The following SRRM2 variants were observed in gnomAD, a reference collection of about 807,000 sequenced individuals.
SRRM2 encodes the protein serine/arginine repetitive matrix protein 2.
Under a neutral mutation model 213.8 loss-of-function variants are expected in SRRM2, and 30 were observed. The ratio of observed to expected loss-of-function variants is 0.14; its 90% CI spans 0.10 to 0.19. SRRM2 has a LOEUF of 0.19. SRRM2 is among the 10% of genes least tolerant of loss of function. The pLI is 1.00. For synonymous variants in SRRM2, 2,025 were observed against 1,377.7 expected (o/e 1.47, Z -10.40); for missense variants, 4,904 against 3,647.0 (o/e 1.34, Z -8.88).
At position 2,764,460 on chromosome 16, in the gene SRRM2, C is replaced by G. The variant is rs75894599; in HGVS notation, c.3932C>G (p.Ser1311Cys). Residue 1311 changes from serine to cysteine, a missense_variant, in exon 11 of 15, where the codon TCT (serine) becomes TGT (cysteine). By Grantham distance (112) the Ser-to-Cys change is moderately radical. Coordinates refer to ENST00000301740, the MANE Select transcript of SRRM2 (RefSeq NM_016333.4). Reference protein sequence around the residue: ...MASSWGGPHFSPEHKELSNSP... With the variant: ...MASSWGGPHFCPEHKELSNSP... ...TCATCTTGGGGTGGGCCACATTTTT[C>G]TCCAGAACATAAAGAACTGTCTAAC... is the stretch of plus-strand genomic sequence containing the variant. 4 of 1,612,896 alleles carry G rather than the reference C, an allele frequency of 2.5e-6. No homozygotes were observed. The East Asian group carries it at 8.9e-5, about 36-fold the overall frequency.
chr16:2,770,233 T>C, intron 12 of SRRM2, 119 bp from the exon 13 acceptor site: 1 of 1,457,338 alleles, frequency 6.9e-7, no homozygotes, highest in Non-Finnish European at 9.1e-7. Flanking sequence ...CAAAGGTGGG[T>C]CTGAGGCTGG....
At position 2,767,420 on chromosome 16, in the gene SRRM2, G is replaced by C; in HGVS notation, c.6892G>C (p.Ala2298Pro). ...TCCCACAGCCCCAGCTGTGAACCTA[G>C]CAGGGGCCAGAACCCCAGCTGCCTT... ...RTPTAPAVNL[A>P]GARTPAALAA... The change falls in exon 11 of 15, where the codon GCA becomes CCA. Residue 2298 changes from alanine (A) to proline (P), a missense_variant. Physicochemically the swap from Ala to Pro is conservative, Grantham distance 27 (BLOSUM62 -1). Transcript: ENST00000301740. 6.2e-7 allele frequency: 1 copy of C among 1,614,048 alleles called. No individual in the cohort carries two copies. Among genetic ancestry groups the C allele is most frequent in the Non-Finnish European group, 8.5e-7 (1 of 1,180,016 alleles).
Position 2,764,368 on chromosome 16 carries a change from G to T in SRRM2, c.3840G>T (p.Val1280=). The change falls in exon 11 of 15, where the codon GTG becomes GTT. Residue 1280 remains valine (V), a synonymous_variant. Coordinates refer to ENST00000301740, the MANE Select transcript of SRRM2 (RefSeq NM_016333.4). The part of the protein sequence containing the change: ...SSPEVEERPA[V]SLTLDQSQSQ... ...CTGAAGTAGAAGAAAGGCCTGCTGT[G>T]TCTTTGACTCTTGATCAGAGCCAGT... is the stretch of plus-strand genomic sequence containing the variant. 6.2e-7 allele frequency: 1 copy of T among 1,614,148 alleles called. No individual in the cohort carries two copies. The highest frequency in any genetic ancestry group is 8.5e-7 in the Non-Finnish European group (1 of 1,180,028).
In SRRM2 at chr16:2,762,404, A is replaced by G. The variant is rs375866032; in HGVS notation, c.1876A>G (p.Arg626Gly). The change falls in exon 11 of 15, where the codon AGG becomes GGG. Residue 626 changes from arginine to glycine, a missense_variant. Arg to Gly is a moderately radical substitution (Grantham distance 125). Transcript: ENST00000301740. Reference sequence around the variant, plus strand: ...TAGAACACCTGCTAGGCGCAGATCTAGGACCCGATCACCAGTACGACGCAG... The same window carrying G: ...TAGAACACCTGCTAGGCGCAGATCTGGGACCCGATCACCAGTACGACGCAG... Reference protein sequence around the residue: ...RSRTPARRRSRTRSPVRRRSR... With the variant: ...RSRTPARRRSGTRSPVRRRSR... The G allele has an allele frequency of 6.8e-6, 11 of 1,614,080 alleles. No individual in the cohort carries two copies. The highest frequency in any genetic ancestry group is 4.5e-5 in the East Asian group (2 of 44,872).
intron 11 of SRRM2, 165 bp downstream of exon 11, chr16:2,768,426 A>G: frequency 1.4e-6 from 1 of 736,450 alleles, no homozygotes; most frequent in Non-Finnish European, 2.2e-6. Context: ...CAGGGGGCGG[A>G]GGGAGGAGGA....
intron 7 of SRRM2, 28 bp from the exon 8 acceptor site, chr16:2,759,324 C>A: frequency 1.2e-6 from 2 of 1,609,812 alleles, no homozygotes; most frequent in Non-Finnish European, 1.7e-6. Flanking sequence ...AAAGAAGTTA[C>A]TTTTAACAAC....
In SRRM2 at chr16:2,752,741, G is replaced by T. The variant is rs2067966852; in HGVS notation, c.-137G>T. On this transcript the variant is annotated 5_prime_UTR_variant, in exon 1 of 15. Transcript: ENST00000301740. Reference sequence around the variant, plus strand: ...GGCGTCGGCGTCGGCTGAGGCGGGCGGACCGGCGAGGCGAGGCGGCGGCCC... The same window carrying T: ...GGCGTCGGCGTCGGCTGAGGCGGGCTGACCGGCGAGGCGAGGCGGCGGCCC... 1 of 351,412 alleles carries T rather than the reference G, an allele frequency of 2.8e-6. No homozygotes were observed. Among genetic ancestry groups the T allele is most frequent in the Non-Finnish European group, 5.7e-6 (1 of 176,630 alleles). 21.8% of individuals were successfully genotyped at this position (351,412 alleles called of 1,614,324 possible). A position where few individuals can be genotyped will look rare whatever the true frequency, so the allele number is the denominator to read the frequency against.
chr16:2,756,299 AG>A, intron 1 of SRRM2, 34 bp from the exon 2 acceptor site: 1 of 1,480,414 alleles, frequency 6.8e-7, no homozygotes, highest in Non-Finnish European at 8.9e-7. Flanking sequence ...GTTTGGGGCC[AG>A]GGGCCTGACC....
rs79975303 is a variant in SRRM2, at chr16:2,760,398, A to C, written c.931A>C (p.Ser311Arg). The C allele has an allele frequency of 6.2e-7, 1 of 1,614,194 alleles. No homozygotes were observed. Among genetic ancestry groups the C allele is most frequent in the Non-Finnish European group, 8.5e-7 (1 of 1,180,042 alleles). ...GRRGEGDAPF[S>R]EPGTTSTQRP... ...ACGCGGGGAGGGAGATGCGCCTTTC[A>C]GTGAACCAGGTACTACCAGCACACA... Residue 311 changes from serine (S) to arginine (R), a missense_variant, in exon 10 of 15, where the codon AGT (serine) becomes CGT (arginine). Physicochemically the swap from Ser to Arg is moderately radical, Grantham distance 110 (BLOSUM62 -1). Coordinates refer to ENST00000301740, the MANE Select transcript of SRRM2 (RefSeq NM_016333.4).
At chr16:2,770,215 T>G in intron 12 of SRRM2, 137 bp from the exon 13 acceptor site, 1 of 1,450,636 alleles carries the variant, frequency 6.9e-7, no homozygotes, top group African/African-American at 1.4e-5. Context: ...GATGGGTGAG[T>G]GAGCGGACAA....
chr16:2,768,682 C>T lies in SRRM2; in HGVS notation c.7734-315C>T, dbSNP rs760084006. 2.4e-5 allele frequency: 16 copies of T among 664,034 alleles called. 1 individual carries two copies. The highest frequency in any genetic ancestry group is 1.7e-4 in the South Asian group (11 of 66,514). The allele number at this position is 664,034 out of a possible 1,614,324, so 41.1% of individuals were successfully genotyped here. On this transcript the variant is annotated intron_variant, in intron 11 of 14. Transcript: ENST00000301740. ...CACTCACAGGGGCCTCCCCAAGCTG[C>T]GGCTCTCCGAGGAAGGAGACTACCC...
At position 2,762,014 on chromosome 16, in the gene SRRM2, C is replaced by T. The variant is rs758341006; in HGVS notation, c.1486C>T (p.Arg496Trp). Residue 496 changes from arginine to tryptophan, a missense_variant, in exon 11 of 15, where the codon CGG (arginine) becomes TGG (tryptophan). Physicochemically the swap from Arg to Trp is moderately radical, Grantham distance 101. Coordinates refer to ENST00000301740, the MANE Select transcript of SRRM2 (RefSeq NM_016333.4). ...SPATAKRGRS[R>W]SRTPTKRGHS... The stretch of plus-strand genomic sequence containing the variant: ...TGCCACCGCTAAGAGAGGGCGATCT[C>T]GGTCTCGAACCCCTACCAAGAGAGG... 86 of 1,614,078 alleles carry T rather than the reference C, an allele frequency of 5.3e-5. No homozygotes were observed. The highest frequency in any genetic ancestry group is 6.7e-5 in the Non-Finnish European group (79 of 1,180,044).
Position 2,766,210 on chromosome 16 carries a change from A to T in SRRM2, c.5682A>T (p.Pro1894=), listed in dbSNP as rs755255855. The T allele has an allele frequency of 4.3e-6, 7 of 1,614,200 alleles. No individual in the cohort carries two copies. The highest frequency in any genetic ancestry group is 5.9e-6 in the Non-Finnish European group (7 of 1,180,030). The part of the protein sequence containing the change: ...SRRRSRSRTS[P]VSRRRSRSRT... ...GTAGGTCCAGATCTCGAACTTCACC[A>T]GTCAGCCGGAGACGGTCAAGGTCCA... The change falls in exon 11 of 15, where the codon CCA becomes CCT. Residue 1894 remains proline, a synonymous_variant. Transcript: ENST00000301740. The surrounding 1 kb of genome is among the most constrained non-coding windows in gnomAD (Gnocchi z 7.0).
At position 2,770,483 on chromosome 16, in the gene SRRM2, T is replaced by G. The variant is rs1203106953; in HGVS notation, c.8135+18T>G. On this transcript the variant is annotated intron_variant, in intron 13 of 14. Coordinates refer to ENST00000301740, the MANE Select transcript of SRRM2 (RefSeq NM_016333.4). The stretch of plus-strand genomic sequence containing the variant: ...CAGCAGAGGTAAGGCCAACTGCAGG[T>G]GTCAGCACCCAGCCTGTCTGGCCGC... The G allele has an allele frequency of 6.3e-7, 1 of 1,594,384 alleles. No homozygotes were observed. The highest frequency in any genetic ancestry group is 1.7e-5 in the Admixed American group (1 of 57,618).
At position 2,770,852 on chromosome 16, in the gene SRRM2, T is replaced by C. The variant is rs751205594; in HGVS notation, c.8250-6T>C. ...ACTCCCTGTTGACCCATATCTTCTCTTGCAGGTCTCCATAAATTGTCTTTG... is the reference window on the plus strand; with the variant it reads ...ACTCCCTGTTGACCCATATCTTCTCCTGCAGGTCTCCATAAATTGTCTTTG... On this transcript the variant is annotated splice_polypyrimidine_tract_variant and splice_region_variant and intron_variant, in intron 14 of 14. Coordinates refer to ENST00000301740, the MANE Select transcript of SRRM2 (RefSeq NM_016333.4). 7.4e-6 allele frequency: 12 copies of C among 1,613,832 alleles called. No individual in the cohort carries two copies. Among genetic ancestry groups the C allele is most frequent in the Middle Eastern group, 1.7e-4 (1 of 6,048 alleles).
chr16:2,762,467 T>C lies in SRRM2; in HGVS notation c.1939T>C (p.Ser647Pro). The C allele has an allele frequency of 6.2e-7, 1 of 1,609,366 alleles. No individual in the cohort carries two copies. Among genetic ancestry groups the C allele is most frequent in the Non-Finnish European group, 8.5e-7 (1 of 1,178,858 alleles). Reference protein sequence around the residue: ...SRSPARRSGRSRSRTPARRGR... With the variant: ...SRSPARRSGRPRSRTPARRGR... The stretch of plus-strand genomic sequence containing the variant: ...ATCACCAGCCAGGAGAAGTGGCAGG[T>C]CACGCTCTAGAACCCCAGCTAGACG... Residue 647 changes from serine (S) to proline (P), a missense_variant, in exon 11 of 15, where the codon TCA (serine) becomes CCA (proline). Transcript: ENST00000301740.
rs549736257 is a variant in SRRM2 at position 2,766,055 on chromosome 16, C to T, written c.5527C>T (p.Arg1843Trp). The T allele has an allele frequency of 3.6e-5, 58 of 1,614,182 alleles. No individual in the cohort carries two copies. The East Asian group carries it at 6.2e-4, about 17-fold the overall frequency. The change falls in exon 11 of 15, where the codon CGG becomes TGG. Residue 1843 changes from arginine to tryptophan, a missense_variant. Physicochemically the swap from Arg to Trp is moderately radical, Grantham distance 101. Transcript: ENST00000301740. The surrounding 1 kb of genome is among the most constrained non-coding windows in gnomAD (Gnocchi z 7.0). The stretch of plus-strand genomic sequence containing the variant: ...CTCTCGACGCCGAAGAGGCCGCTCT[C>T]GGACACCCCCAACCAGTCGGAAGCG... The part of the protein sequence containing the change: ...TSSRRRRGRS[R>W]TPPTSRKRSR...
chr16:2,768,005 A>G lies in SRRM2; in HGVS notation c.7477A>G (p.Met2493Val). The change falls in exon 11 of 15, where the codon ATG (methionine) becomes GTG (valine). Residue 2493 changes from methionine (M) to valine (V), a missense_variant. Physicochemically the swap from Met to Val is conservative, Grantham distance 21 (BLOSUM62 1). Transcript: ENST00000301740. Reference protein sequence around the residue: ...TTSSAGDHNGMLSVPAPGVPH... With the variant: ...TTSSAGDHNGVLSVPAPGVPH... ...GTCCTCTGCTGGTGATCACAATGGC[A>G]TGCTCTCTGTCCCTGCCCCTGGGGT... is the stretch of plus-strand genomic sequence containing the variant. The G allele has an allele frequency of 1.2e-6, 2 of 1,614,092 alleles. No individual in the cohort carries two copies. The highest frequency in any genetic ancestry group is 1.7e-6 in the Non-Finnish European group (2 of 1,180,008).
chr16:2,754,392 C>CT (rs1371248942), intron 1 of SRRM2, among the ~76,000 whole-genome samples: 3 of 151,966 alleles, frequency 2.0e-5, no homozygotes, highest in Non-Finnish European at 4.4e-5. Flanking sequence ...CTCCCGGGTT[C>CT]AAGCGATTCT....
Sources: allele counts gnomAD v4.1 joint callset (sites outside exome capture counted in the v4.1 genomes callset), GRCh38; gene constraint gnomAD v4.1.1; non-coding constraint Gnocchi (gnomAD v3.1); transcripts MANE v1.5; gene names NCBI Gene and HGNC (gene_info 2026-07-23, HGNC 2026-07-21).